APBB2: variants seen among roughly 807,000 people sequenced by gnomAD.
APBB2 encodes the protein Fe65-like 1.
In APBB2, 38 loss-of-function variants were observed where a neutral mutation model predicts 82.5. The observed-to-expected ratio is 0.46, with a 90% CI of 0.36 to 0.60. The LOEUF (loss-of-function observed/expected upper bound fraction) is 0.60, where lower values mean the gene tolerates loss of function less well. APBB2 is among the 20% of genes least tolerant of loss of function. The probability of loss-of-function intolerance (pLI) is 0.00; values close to 1 mark genes in which losing one functional copy is unlikely to be tolerated. For missense variants in APBB2, 772 were observed against 972.3 expected (o/e 0.79, Z 2.74); for synonymous variants, 341 against 368.2 (o/e 0.93, Z 0.85).
chr4:41,078,931 T>A (rs925165928), intron 3 of APBB2, among the ~76,000 whole-genome samples: 1 of 151,966 alleles, frequency 6.6e-6, no homozygotes, highest in Non-Finnish European at 1.5e-5. Flanking sequence ...ATTCCCAGAG[T>A]GTCTTATAGC....
At chr4:40,979,298 T>C (rs1797924899) in intron 6 of APBB2, among the ~76,000 whole-genome samples, 1 of 152,152 alleles carries the variant, frequency 6.6e-6, no homozygotes. Context: ...TTTGGACACA[T>C]AAAAGAATTC....
intron 7 of APBB2, among the ~76,000 whole-genome samples, chr4:40,943,985 C>T (rs984867447): frequency 2.0e-5 from 3 of 152,206 alleles, no homozygotes; most frequent in African/African-American, 7.2e-5. Flanking sequence ...ACATTGTCTA[C>T]TTTTAAAAAC....
At chr4:41,182,569 A>C (rs1771724567) in intron 1 of APBB2, among the ~76,000 whole-genome samples, 1 of 152,232 alleles carries the variant, frequency 6.6e-6, no homozygotes, top group South Asian at 2.1e-4. Context: ...CAATATCATC[A>C]CATGAATAGC....
intron 6 of APBB2, among the ~76,000 whole-genome samples, chr4:40,961,667 T>TAAAAAAAAAAAAAAAAA (rs60942744): frequency 1.6e-4 from 11 of 68,242 alleles, no homozygotes; most frequent in East Asian, 5.4e-4. Context: ...AAAAAAGATG[T>TAAAAAAAAAAAAAAAAA]AAAAAAAAAA....
chr4:40,843,134 C>T (rs948151656), intron 12 of APBB2, among the ~76,000 whole-genome samples: 7 of 152,186 alleles, frequency 4.6e-5, no homozygotes, highest in Admixed American at 2.6e-4. Flanking sequence ...GGCATTGTCA[C>T]AGCCGATTTG....
intron 2 of APBB2, among the ~76,000 whole-genome samples, chr4:41,117,769 C>G (rs941524138): frequency 3.3e-5 from 5 of 152,124 alleles, no homozygotes; most frequent in African/African-American, 1.2e-4. Context: ...TGATCCTTCC[C>G]TACTCTATTA....
chr4:41,025,884 T>C (rs1348034233), intron 5 of APBB2, among the ~76,000 whole-genome samples: 4 of 146,346 alleles, frequency 2.7e-5, no homozygotes, highest in Admixed American at 1.4e-4. Context: ...GGAGGTGGCA[T>C]TGAGCCAAGA....
intron 6 of APBB2, among the ~76,000 whole-genome samples, chr4:41,009,218 A>G (rs2154426878): frequency 6.6e-6 from 1 of 151,918 alleles, no homozygotes; most frequent in African/African-American, 2.4e-5. Flanking sequence ...CACTGAGGGA[A>G]CTGTATCTTT....
intron 12 of APBB2, among the ~76,000 whole-genome samples, chr4:40,888,221 C>T (rs1264119824): frequency 1.3e-5 from 2 of 152,196 alleles, no homozygotes; most frequent in Non-Finnish European, 2.9e-5. Context: ...TGTTGTGGTC[C>T]TTATTATGAT....
intron 4 of APBB2, among the ~76,000 whole-genome samples, chr4:41,062,921 G>A (rs748619005): frequency 7.2e-5 from 11 of 152,138 alleles, no homozygotes; most frequent in Non-Finnish European, 1.2e-4. Flanking sequence ...AGGGCCCTTC[G>A]GTAATCTCTG....
intron 6 of APBB2, among the ~76,000 whole-genome samples, chr4:40,970,829 C>T (rs1795768228): frequency 6.6e-6 from 1 of 152,126 alleles, no homozygotes; most frequent in Non-Finnish European, 1.5e-5. Flanking sequence ...CAGGAAACCC[C>T]TCAGTCCCAG....
Position 40,811,012 on chromosome 4 carries a change from T to A in APBB2, c.*5080A>T, listed in dbSNP as rs1331778830. On this transcript the variant is annotated 3_prime_UTR_variant, in exon 18 of 18. Transcript: ENST00000508593. ...ATTTTCAAGTGTATTTTCTGTGATGTTGTCTCATTGTTATGGAATAGTTTA... is the reference window on the plus strand; with the variant it reads ...ATTTTCAAGTGTATTTTCTGTGATGATGTCTCATTGTTATGGAATAGTTTA... The A allele has an allele frequency of 6.6e-6, 1 of 152,252 alleles. No homozygotes were observed. The highest frequency in any genetic ancestry group is 2.4e-5 in the African/African-American group (1 of 41,468). 9.4% of individuals were successfully genotyped at this position (152,252 alleles called of 1,614,324 possible).
chr4:40,874,703 G>A (rs1234539356), intron 12 of APBB2, among the ~76,000 whole-genome samples: 1 of 152,160 alleles, frequency 6.6e-6, no homozygotes, highest in Non-Finnish European at 1.5e-5. Flanking sequence ...ATCTAGTGTT[G>A]ACTGCGGGAC....
At chr4:41,115,592 T>C (rs1230741638) in intron 2 of APBB2, among the ~76,000 whole-genome samples, 2 of 152,030 alleles carry the variant, frequency 1.3e-5, no homozygotes, top group African/African-American at 4.8e-5. Flanking sequence ...AGGGCTAATA[T>C]TCAAAATCTA....
intron 12 of APBB2, among the ~76,000 whole-genome samples, chr4:40,876,014 C>G (rs1766815116): frequency 6.6e-6 from 1 of 152,150 alleles, no homozygotes; most frequent in African/African-American, 2.4e-5. Flanking sequence ...TTCTTCCTGG[C>G]TTGAGGTTTT....
chr4:41,055,897 T>C (rs1020942065), intron 4 of APBB2, among the ~76,000 whole-genome samples: 2 of 152,194 alleles, frequency 1.3e-5, no homozygotes, highest in Non-Finnish European at 2.9e-5. Context: ...TTAATGGTAA[T>C]AAATGTAACT....
At chr4:40,824,033 C>G (rs973385300) in intron 15 of APBB2, among the ~76,000 whole-genome samples, 1 of 152,118 alleles carries the variant, frequency 6.6e-6, no homozygotes, top group Non-Finnish European at 1.5e-5. Flanking sequence ...AACCCTGTCT[C>G]TACTAAAAAT....
chr4:41,097,865 T>C (rs1744080750), intron 3 of APBB2, among the ~76,000 whole-genome samples: 1 of 152,104 alleles, frequency 6.6e-6, no homozygotes. Flanking sequence ...GTGGAGGTTG[T>C]CTAGGGTTCT....
intron 10 of APBB2, among the ~76,000 whole-genome samples, chr4:40,934,188 T>C (rs1274345549): frequency 1.3e-5 from 2 of 152,230 alleles, no homozygotes; most frequent in Non-Finnish European, 2.9e-5. Flanking sequence ...CCCACCCATT[T>C]GAACAATAAT....
Sources: allele counts gnomAD v4.1 joint callset (sites outside exome capture counted in the v4.1 genomes callset), GRCh38; gene constraint gnomAD v4.1.1; transcripts MANE v1.5; gene names NCBI Gene and HGNC (gene_info 2026-07-23, HGNC 2026-07-21).